COL22A1: variants seen among roughly 807,000 people sequenced by gnomAD.
The protein encoded by COL22A1 is collagen alpha-1(XXII) chain.
COL22A1 carries 221 observed loss-of-function variants against 248.9 expected under a neutral mutation model. That is an observed-to-expected ratio of 0.89 (90% CI 0.80 to 0.99). The LOEUF is 0.99. COL22A1 is among the 50% of genes least tolerant of loss of function. The pLI is 0.00. For missense variants in COL22A1, 2,240 were observed against 2,179.0 expected (o/e 1.03, Z -0.56); for synonymous variants, 891 against 793.4 (o/e 1.12, Z -2.07).
intron 1 of COL22A1, among the ~76,000 whole-genome samples, chr8:138,886,337 T>C (rs1287040168): frequency 6.6e-6 from 1 of 152,074 alleles, no homozygotes; most frequent in Non-Finnish European, 1.5e-5. Flanking sequence ...GTTTCTGTAG[T>C]ACTGGTGGCC....
At chr8:138,696,914 T>C (rs1827553660) in intron 32 of COL22A1, among the ~76,000 whole-genome samples, 2 of 152,322 alleles carry the variant, frequency 1.3e-5, no homozygotes, top group South Asian at 4.1e-4. Flanking sequence ...GATTTGCAAG[T>C]CTTTTTCTGG....
At chr8:138,816,954 T>A (rs1157019460) in intron 7 of COL22A1, among the ~76,000 whole-genome samples, 9 of 152,232 alleles carry the variant, frequency 5.9e-5, no homozygotes, top group Non-Finnish European at 1.3e-4. Context: ...CTAACCCAGC[T>A]GAGAACTCCC....
intron 22 of COL22A1, among the ~76,000 whole-genome samples, chr8:138,741,101 C>A (rs1831523803): frequency 6.6e-6 from 1 of 152,232 alleles, no homozygotes; most frequent in Non-Finnish European, 1.5e-5. Context: ...CTTAGCTCAG[C>A]CCCAAATACC....
intron 1 of COL22A1, among the ~76,000 whole-genome samples, chr8:138,903,256 T>C (rs1406659026): frequency 2.0e-5 from 3 of 152,088 alleles, no homozygotes; most frequent in Non-Finnish European, 2.9e-5. Context: ...TTCCAGGTCA[T>C]GTGGCTATTA....
intron 47 of COL22A1, among the ~76,000 whole-genome samples, chr8:138,637,329 C>CAGG (rs1821279254): frequency 6.6e-6 from 1 of 152,132 alleles, no homozygotes; most frequent in Admixed American, 6.5e-5. Context: ...TGGTGGCCAG[C>CAGG]AGGAGCAGCA....
chr8:138,651,718 T>C (rs1415908518), intron 45 of COL22A1, among the ~76,000 whole-genome samples: 2 of 152,116 alleles, frequency 1.3e-5, no homozygotes, highest in African/African-American at 4.8e-5. Context: ...CAACTGTGGA[T>C]GGATGCACGG....
chr8:138,827,734 G>A (rs2131796080), intron 5 of COL22A1, among the ~76,000 whole-genome samples: 1 of 151,350 alleles, frequency 6.6e-6, no homozygotes, highest in African/African-American at 2.4e-5. Context: ...CGAGAACCAA[G>A]ATGCCATCCC....
Position 138,883,207 on chromosome 8 carries a change from C to T in COL22A1, c.-35G>A. The T allele has an allele frequency of 6.5e-7, 1 of 1,546,042 alleles. No individual in the cohort carries two copies. The highest frequency in any genetic ancestry group is 2.4e-5 in the East Asian group (1 of 41,344). Reference sequence around the variant, plus strand: ...GTTCTTGGGGACAGGCTTCTCTTGGCCAGGAAGAGACGCTGTTAGGGTCTA... The same window carrying T: ...GTTCTTGGGGACAGGCTTCTCTTGGTCAGGAAGAGACGCTGTTAGGGTCTA... On this transcript the variant is annotated 5_prime_UTR_variant, in exon 2 of 65. Transcript: ENST00000303045.
intron 1 of COL22A1, among the ~76,000 whole-genome samples, chr8:138,888,238 CA>C (rs1470357783): frequency 1.3e-5 from 2 of 152,096 alleles, no homozygotes; most frequent in Non-Finnish European, 2.9e-5. Context: ...AGACACACAC[CA>C]GGGGGAGGGA....
chr8:138,821,604 G>A (rs879033410), intron 6 of COL22A1, among the ~76,000 whole-genome samples, 193 bp from the exon 7 acceptor site: 2 of 152,130 alleles, frequency 1.3e-5, no homozygotes, highest in Non-Finnish European at 2.9e-5. Context: ...GTTCCTCCTC[G>A]CACAATGGTG....
At chr8:138,606,352 C>A in intron 58 of COL22A1, 29 bp downstream of exon 58, 1 of 1,599,136 alleles carries the variant, frequency 6.3e-7, no homozygotes, top group Non-Finnish European at 8.5e-7. Flanking sequence ...AGCCAGGTAT[C>A]TTGGGCCCCA....
At chr8:138,771,952 G>A (rs950279428) in intron 16 of COL22A1, among the ~76,000 whole-genome samples, 7 of 152,182 alleles carry the variant, frequency 4.6e-5, no homozygotes, top group African/African-American at 7.2e-5. Context: ...TCATTGTTCC[G>A]ATGGAGACGG....
chr8:138,738,583 T>C (rs1403152994), intron 22 of COL22A1, among the ~76,000 whole-genome samples: 3 of 152,186 alleles, frequency 2.0e-5, no homozygotes, highest in Non-Finnish European at 2.9e-5. Context: ...AAGAGGACCC[T>C]GGAATGCCCA....
intron 9 of COL22A1, among the ~76,000 whole-genome samples, chr8:138,809,522 C>CTTTTTG (rs1405048013): frequency 1.3e-5 from 1 of 77,964 alleles, no homozygotes; most frequent in East Asian, 2.6e-4. Context: ...CTCTTTTTTT[C>CTTTTTG]TTTTTCTTTT....
In COL22A1 at chr8:138,633,284, A is replaced by C. The variant is rs972880098; in HGVS notation, c.3609+1726T>G. 8.5e-5 allele frequency among the ~76,000 whole-genome samples: 13 copies of C among 152,358 alleles called. No individual in the cohort carries two copies. The East Asian group carries it at 2.5e-3, about 29-fold the overall frequency. ...ATAGAAGCTCAATAAACATCTGCCAAGTGAATTGAAAGCATTAATCAGCTG... is the reference window on the plus strand; with the variant it reads ...ATAGAAGCTCAATAAACATCTGCCACGTGAATTGAAAGCATTAATCAGCTG... On this transcript the variant is annotated intron_variant, in intron 49 of 64. Coordinates refer to ENST00000303045, the MANE Select transcript of COL22A1 (RefSeq NM_152888.3).
At chr8:138,775,219 G>A (rs1269109466) in intron 16 of COL22A1, among the ~76,000 whole-genome samples, 1 of 152,146 alleles carries the variant, frequency 6.6e-6, no homozygotes, top group Non-Finnish European at 1.5e-5. Flanking sequence ...CAATGAATGG[G>A]GCTGGGAAGA....
intron 34 of COL22A1, among the ~76,000 whole-genome samples, chr8:138,693,964 AGG>A (rs1278861312): frequency 1.3e-5 from 2 of 152,044 alleles, no homozygotes. Flanking sequence ...TGTAGCTCAG[AGG>A]GGCTCACACA....
At chr8:138,779,913 G>A (rs1814806704) in intron 13 of COL22A1, among the ~76,000 whole-genome samples, 3 of 152,254 alleles carry the variant, frequency 2.0e-5, no homozygotes, top group South Asian at 4.1e-4. Context: ...CTACAGGCAC[G>A]CACCACTGCA....
chr8:138,772,528 G>C (rs921563337), intron 16 of COL22A1, among the ~76,000 whole-genome samples: 1 of 152,138 alleles, frequency 6.6e-6, no homozygotes, highest in Non-Finnish European at 1.5e-5. Context: ...AATCTTCGTG[G>C]CTGGATGGCT....
Sources: gnomAD v4.1 joint callset for allele counts (sites outside exome capture counted in the v4.1 genomes callset) on GRCh38, gnomAD v4.1.1 for gene constraint, MANE v1.5 for transcripts, NCBI Gene and HGNC (gene_info 2026-07-23, HGNC 2026-07-21) for gene names.